Variants in ATAD3B observed in about 807,000 individuals in gnomAD.
ATAD3B encodes the protein ATPase family AAA domain-containing protein 3B.
In ATAD3B, 59 loss-of-function variants were observed where a neutral mutation model predicts 70.2. The observed-to-expected ratio is 0.84, with a 90% CI of 0.68 to 1.04. The LOEUF (loss-of-function observed/expected upper bound fraction) is 1.04, where lower values mean the gene tolerates loss of function less well. Among genes scored for constraint, ATAD3B ranks in the 50% least tolerant of loss-of-function variants. The pLI, the probability that ATAD3B is intolerant of heterozygous loss-of-function variation, is 0.00. For missense variants in ATAD3B, 961 were observed against 913.4 expected, an observed-to-expected ratio of 1.05 and a Z score of -0.67; for synonymous variants, 423 against 388.6, an observed-to-expected ratio of 1.09 and a Z score of -1.04.
chr1:1,486,034 G>C (rs1640193313), intron 9 of ATAD3B, 76 bp from the exon 10 acceptor site: 1 of 1,607,186 alleles, frequency 6.2e-7, no homozygotes, highest in Admixed American at 1.7e-5. Context: ...CCGCACCCGG[G>C]CATTCCCGCA....
chr1:1,482,517 C>G, intron 6 of ATAD3B, 28 bp from the exon 7 acceptor site: 2 of 1,613,322 alleles, frequency 1.2e-6, no homozygotes, highest in Non-Finnish European at 1.7e-6. Context: ...TCGTGTCCTT[C>G]CTGGTCACAC....
In ATAD3B at chr1:1,487,216, C is replaced by A. The variant is rs572173663; in HGVS notation, c.1214+548C>A. On this transcript the variant is annotated intron_variant, in intron 11 of 15. Transcript: ENST00000673477. ...TTAGAAGACCTGTCCCTGCGCCAGG[C>A]GTGGTGGCTCACGGCTGTAATCCCA... 2.1e-3 allele frequency among the ~76,000 whole-genome samples: 320 copies of A among 152,036 alleles called. 2 individuals are homozygous for A. The highest frequency in any genetic ancestry group is 7.3e-3 in the African/African-American group (301 of 41,506).
At chr1:1,501,524 G>C (rs1214922492), downstream of ATAD3B, among the ~76,000 whole-genome samples, 2 of 152,140 alleles carry the variant, frequency 1.3e-5, no homozygotes, top group African/African-American at 4.8e-5. Context: ...CAAAGTGCTG[G>C]AATTACAGGC....
chr1:1,489,781 C>T, intron 13 of ATAD3B: 5 of 1,296,604 alleles, frequency 3.9e-6, no homozygotes, highest in Non-Finnish European at 4.1e-6. Context: ...TCAGCTGCTG[C>T]CGTTCGACGC....
the ATAD3B span, among the ~76,000 whole-genome samples, chr1:1,508,007 C>T: frequency 9.3e-4 from 142 of 152,334 alleles, no homozygotes; most frequent in African/African-American, 3.2e-3. Context: ...GGGCTCCTGC[C>T]AGGTCCCGTG....
chr1:1,476,092 C>G (rs1639573649), intron 1 of ATAD3B, among the ~76,000 whole-genome samples: 1 of 140,860 alleles, frequency 7.1e-6, no homozygotes, highest in Non-Finnish European at 1.5e-5. Flanking sequence ...AGCAGCCAAA[C>G]CCGTTGACCT....
downstream of ATAD3B, among the ~76,000 whole-genome samples, chr1:1,502,506 C>CCTACACTGATA (rs1379870850): frequency 2.6e-5 from 3 of 113,656 alleles, no homozygotes; most frequent in South Asian, 2.9e-4. Flanking sequence ...CCGTGCCCAG[C>CCTACACTGATA]ATTTTTTTTT....
intron 2 of ATAD3B, chr1:1,478,164 T>G: frequency 3.6e-5 from 9 of 247,418 alleles, no homozygotes; most frequent in South Asian, 5.7e-5. Context: ...ATCTGGCGAA[T>G]TTTTGTATTT....
chr1:1,482,387 C>T, intron 6 of ATAD3B, 84 bp downstream of exon 6: 2 of 1,580,614 alleles, frequency 1.3e-6, no homozygotes, highest in East Asian at 4.6e-5. Context: ...TCCAGCTCTT[C>T]CAGGCCTGGC....
intron 6 of ATAD3B, 45 bp from the exon 7 acceptor site, chr1:1,482,500 C>G (rs571906229): frequency 8.7e-6 from 14 of 1,613,218 alleles, no homozygotes; most frequent in Non-Finnish European, 1.2e-5. Context: ...CTGCGTGGTA[C>G]GGATCTTCGT....
chr1:1,496,033 G>GCCC lies in ATAD3B; in HGVS notation c.*216_*217insCCC, dbSNP rs1640778726. The stretch of plus-strand genomic sequence containing the variant: ...TCCCACAGCAGAGCCAGGTGAGGGG[G>GCCC]GGCCTGCCAGGACTAGACAGAAGTG... On this transcript the variant is annotated 3_prime_UTR_variant, in exon 16 of 16. Transcript: ENST00000673477. 8.2e-6 allele frequency: 11 copies of GCCC among 1,333,608 alleles called. 1 individual carries two copies. Among genetic ancestry groups the GCCC allele is most frequent in the Non-Finnish European group, 9.6e-6 (10 of 1,042,566 alleles). 82.6% of individuals were successfully genotyped at this position (1,333,608 alleles called of 1,614,324 possible).
chr1:1,503,922 C>T, the ATAD3B span, among the ~76,000 whole-genome samples: 1 of 152,072 alleles, frequency 6.6e-6, no homozygotes, highest in Non-Finnish European at 1.5e-5. Flanking sequence ...TTGACATTCT[C>T]ACCTCATTTC....
downstream of ATAD3B, among the ~76,000 whole-genome samples, chr1:1,500,631 A>G (rs1270734924): frequency 6.6e-6 from 1 of 150,884 alleles, no homozygotes; most frequent in Non-Finnish European, 1.5e-5. Flanking sequence ...ATAAATGTAT[A>G]TATAAATGTG....
intron 8 of ATAD3B, 87 bp from the exon 9 acceptor site, chr1:1,485,695 G>A (rs1311774123): frequency 6.3e-7 from 1 of 1,575,924 alleles, no homozygotes; most frequent in Non-Finnish European, 8.7e-7. Flanking sequence ...CTCCGTTTCT[G>A]TGTGTTACCG....
intron 1 of ATAD3B, among the ~76,000 whole-genome samples, chr1:1,472,632 C>G (rs886476448): frequency 1.3e-5 from 2 of 152,052 alleles, no homozygotes; most frequent in African/African-American, 4.8e-5. Flanking sequence ...TGAGTAAACC[C>G]CTGACCCAAG....
rs1387340404 is a variant in ATAD3B at position 1,472,067 on chromosome 1, G to A, written c.183G>A (p.Ala61=). 8.2e-6 allele frequency: 10 copies of A among 1,213,570 alleles called. No homozygotes were observed. The African/African-American group carries it at 1.7e-4, about 20-fold the overall frequency. 75.2% of individuals were successfully genotyped at this position (1,213,570 alleles called of 1,614,324 possible). The change falls in exon 1 of 16, where the codon GCG becomes GCA. Residue 61 remains alanine, a synonymous_variant. Coordinates refer to ENST00000673477, the MANE Select transcript of ATAD3B (RefSeq NM_031921.6). ...DPTGLERAAK[A]ARELEHSRYA... ...CCGGCCTGGAGCGCGCCGCCAAGGCGGCGCGCGAGCTGGAGCACTCGCGTG... is the reference window on the plus strand; with the variant it reads ...CCGGCCTGGAGCGCGCCGCCAAGGCAGCGCGCGAGCTGGAGCACTCGCGTG...
chr1:1,490,555 T>G lies in ATAD3B; in HGVS notation c.1506-8T>G, dbSNP rs1640486457. 1 of 1,611,046 alleles carries G rather than the reference T, an allele frequency of 6.2e-7. No individual in the cohort carries two copies. Among genetic ancestry groups the G allele is most frequent in the African/African-American group, 1.3e-5 (1 of 74,886 alleles). ...CTTGGCTGCCTCACTTGGGAACTCC[T>G]TCCCCAGGCGCCTGAAGCTGGCCCA... is the stretch of plus-strand genomic sequence containing the variant. On this transcript the variant is annotated splice_polypyrimidine_tract_variant and splice_region_variant and intron_variant, in intron 14 of 15. Transcript: ENST00000673477.
At chr1:1,485,674 C>A (rs1640168825) in intron 8 of ATAD3B, 108 bp from the exon 9 acceptor site, 2 of 1,527,158 alleles carry the variant, frequency 1.3e-6, no homozygotes, top group Middle Eastern at 2.2e-4. Context: ...CCTGGCTGTG[C>A]TTTGGGGCAG....
Position 1,495,759 on chromosome 1 carries a change from C to T in ATAD3B, c.1889C>T (p.Pro630Leu). The change falls in exon 16 of 16, where the codon CCC (proline) becomes CTC (leucine). Residue 630 changes from proline (P) to leucine (L), a missense_variant. By Grantham distance (98) the Pro-to-Leu change is moderately conservative. Coordinates refer to ENST00000673477, the MANE Select transcript of ATAD3B (RefSeq NM_031921.6). Reference protein sequence around the residue: ...GTGLCPGPLSPRMSCGGGRPF... With the variant: ...GTGLCPGPLSLRMSCGGGRPF... The stretch of plus-strand genomic sequence containing the variant: ...GGGCTGTGCCCAGGGCCTCTGTCCC[C>T]CAGGATGTCTTGTGGTGGCGGTCGG... The T allele has an allele frequency of 6.2e-7, 1 of 1,610,404 alleles. No individual in the cohort carries two copies. Among genetic ancestry groups the T allele is most frequent in the East Asian group, 2.2e-5 (1 of 44,848 alleles).
Sources: gnomAD v4.1 joint callset for allele counts (sites outside exome capture counted in the v4.1 genomes callset) on GRCh38, gnomAD v4.1.1 for gene constraint, MANE v1.5 for transcripts, NCBI Gene and HGNC (gene_info 2026-07-23, HGNC 2026-07-21) for gene names.